The following TRPM3 variants were observed in gnomAD, a reference collection of about 807,000 sequenced individuals.
TRPM3 encodes long transient receptor potential channel 3.
TRPM3 carries 77 observed loss-of-function variants against 181.2 expected under a neutral mutation model. The observed-to-expected ratio is 0.42, with a 90% CI of 0.35 to 0.51. TRPM3 has a LOEUF of 0.51. Ranked by LOEUF, TRPM3 falls within the 20% of genes least tolerant of loss-of-function variation. TRPM3 has a pLI of 0.01. For missense variants in TRPM3, 1,759 were observed against 2,196.7 expected (o/e 0.80, Z 3.98); for synonymous variants, 745 against 796.4 (o/e 0.94, Z 1.09).
intron 1 of TRPM3, among the ~76,000 whole-genome samples, chr9:71,359,888 G>A (rs1464123681): frequency 2.6e-5 from 4 of 152,030 alleles, no homozygotes; most frequent in Non-Finnish European, 5.9e-5. Flanking sequence ...TAAAGAATGG[G>A]ATGATCTATA....
At chr9:70,544,330 G>A (rs1399240980) in intron 25 of TRPM3, among the ~76,000 whole-genome samples, 1 of 152,028 alleles carries the variant, frequency 6.6e-6, no homozygotes, top group Non-Finnish European at 1.5e-5. Flanking sequence ...AAAAGATAAG[G>A]TTAGTTAACA....
intron 1 of TRPM3, among the ~76,000 whole-genome samples, chr9:71,440,705 T>C (rs1477792950): frequency 4.6e-5 from 7 of 152,190 alleles, no homozygotes; most frequent in South Asian, 2.1e-4. Flanking sequence ...GTCCAGTACT[T>C]ACCATGGTGC....
At chr9:71,366,245 G>A (rs142761296) in intron 1 of TRPM3, among the ~76,000 whole-genome samples, 22 of 152,274 alleles carry the variant, frequency 1.4e-4, no homozygotes, top group African/African-American at 4.6e-4. Context: ...CAAAGAGTAC[G>A]CACAAGTACA....
At chr9:71,070,253 T>C (rs2133524065) in intron 1 of TRPM3, among the ~76,000 whole-genome samples, 1 of 152,358 alleles carries the variant, frequency 6.6e-6, no homozygotes, top group Non-Finnish European at 1.5e-5. Context: ...GGTGAACTTT[T>C]TCATGCGGCA....
At chr9:71,407,279 T>A (rs2093454911) in intron 1 of TRPM3, among the ~76,000 whole-genome samples, 1 of 152,068 alleles carries the variant, frequency 6.6e-6, no homozygotes, top group African/African-American at 2.4e-5. Flanking sequence ...TGGGGCATCA[T>A]CTCACCCGGG....
chr9:71,034,719 G>C (rs2057972856), intron 1 of TRPM3, among the ~76,000 whole-genome samples: 1 of 151,500 alleles, frequency 6.6e-6, no homozygotes, highest in Non-Finnish European at 1.5e-5. Flanking sequence ...TTACATCATG[G>C]AAATCAACAA....
chr9:71,243,350 C>T (rs1262296719), intron 1 of TRPM3, among the ~76,000 whole-genome samples: 1 of 152,218 alleles, frequency 6.6e-6, no homozygotes, highest in Non-Finnish European at 1.5e-5. Flanking sequence ...TTATTACCTG[C>T]CTTCATACAG....
intron 1 of TRPM3, among the ~76,000 whole-genome samples, chr9:71,244,784 T>C (rs1334605630): frequency 1.3e-5 from 2 of 151,990 alleles, no homozygotes; most frequent in Non-Finnish European, 2.9e-5. Flanking sequence ...TACCACCTAA[T>C]GGGAAAAATG....
chr9:70,762,347 A>G (rs900573078), intron 7 of TRPM3, among the ~76,000 whole-genome samples: 2 of 152,224 alleles, frequency 1.3e-5, no homozygotes, highest in African/African-American at 4.8e-5. Flanking sequence ...CCTGATTAAA[A>G]GATACTTTTA....
rs1014311206 is a variant in TRPM3, at chr9:71,280,600, T to C, written c.183+166053A>G. The stretch of plus-strand genomic sequence containing the variant: ...AAAAAAATTAAATAATGGAGTCAAA[T>C]AAGATTTTAGCATTAGCTTTGTTGA... On this transcript the variant is annotated intron_variant, in intron 1 of 24. Coordinates refer to the TRPM3 transcript ENST00000357533. 8.5e-5 allele frequency among the ~76,000 whole-genome samples: 13 copies of C among 152,150 alleles called. 1 individual carries two copies. The highest frequency in any genetic ancestry group is 6.5e-5 in the Admixed American group (1 of 15,274).
chr9:70,936,837 T>A (rs569066105), intron 1 of TRPM3, among the ~76,000 whole-genome samples: 1 of 152,206 alleles, frequency 6.6e-6, no homozygotes, highest in Non-Finnish European at 1.5e-5. Flanking sequence ...GGCTTGGGCA[T>A]TGAAGAAGAA....
At chr9:71,053,928 A>T (rs981011276) in intron 1 of TRPM3, among the ~76,000 whole-genome samples, 1 of 152,104 alleles carries the variant, frequency 6.6e-6, no homozygotes, top group Non-Finnish European at 1.5e-5. Context: ...AAGAGCTTCA[A>T]TGTAAAAGGT....
intron 7 of TRPM3, among the ~76,000 whole-genome samples, chr9:70,770,448 G>C (rs547730880): frequency 6.6e-6 from 1 of 152,278 alleles, no homozygotes; most frequent in Non-Finnish European, 1.5e-5. Context: ...TGGTGGTTTT[G>C]ACAACACAAA....
chr9:71,098,542 C>A (rs754016453), intron 1 of TRPM3, among the ~76,000 whole-genome samples: 1 of 152,120 alleles, frequency 6.6e-6, no homozygotes, highest in East Asian at 1.9e-4. Context: ...CCCCTATCAT[C>A]CAAGCTTTGT....
chr9:70,954,353 G>A (rs1490422433), intron 1 of TRPM3, among the ~76,000 whole-genome samples: 2 of 152,092 alleles, frequency 1.3e-5, no homozygotes, highest in Non-Finnish European at 2.9e-5. Context: ...TTGGTGATAA[G>A]CTTGGATTAA....
chr9:70,831,844 T>A (rs1186059537), intron 5 of TRPM3, among the ~76,000 whole-genome samples: 1 of 150,582 alleles, frequency 6.6e-6, no homozygotes, highest in East Asian at 1.9e-4. Context: ...ACTTAAAGAA[T>A]GTAACTGAAT....
At chr9:71,237,233 T>G (rs759944370) in intron 1 of TRPM3, among the ~76,000 whole-genome samples, 6 of 152,184 alleles carry the variant, frequency 3.9e-5, no homozygotes, top group Non-Finnish European at 7.4e-5. Context: ...TAATTCAAAA[T>G]TTTGATCAGA....
chr9:71,261,357 G>A (rs911514743), intron 1 of TRPM3, among the ~76,000 whole-genome samples: 64 of 152,196 alleles, frequency 4.2e-4, no homozygotes, highest in African/African-American at 1.5e-3. Context: ...GCTCCATCAG[G>A]TCATTTATGT....
chr9:70,692,940 C>T (rs1269839078), intron 8 of TRPM3, among the ~76,000 whole-genome samples: 1 of 152,158 alleles, frequency 6.6e-6, no homozygotes, highest in African/African-American at 2.4e-5. Flanking sequence ...TCAACCAAGC[C>T]TCCCTGGACC....
Sources: allele counts gnomAD v4.1 joint callset (sites outside exome capture counted in the v4.1 genomes callset), GRCh38; gene constraint gnomAD v4.1.1; transcripts MANE v1.5; gene names NCBI Gene and HGNC (gene_info 2026-07-23, HGNC 2026-07-21).